PARN: variants seen among roughly 807,000 people sequenced by gnomAD.
The protein encoded by PARN is poly(A)-specific ribonuclease PARN.
PARN carries 71 observed loss-of-function variants against 102.8 expected under a neutral mutation model. The observed-to-expected ratio is 0.69, with a 90% CI of 0.57 to 0.84. The LOEUF (loss-of-function observed/expected upper bound fraction) is 0.84. PARN is among the 40% of genes least tolerant of loss of function. The pLI, the probability that PARN is intolerant of heterozygous loss-of-function variation, is 0.00. For missense variants in PARN, 782 were observed against 760.9 expected, an observed-to-expected ratio of 1.03 and a Z score of -0.33; for synonymous variants, 261 against 252.9, an observed-to-expected ratio of 1.03 and a Z score of -0.30.
At chr16:14,479,741 T>C (rs986029737) in intron 22 of PARN, among the ~76,000 whole-genome samples, 1 of 152,076 alleles carries the variant, frequency 6.6e-6, no homozygotes, top group African/African-American at 2.4e-5. Flanking sequence ...ACAAAGGTAG[T>C]GAGTCAAACC....
At chr16:14,623,623 G>C (rs541258365) in intron 5 of PARN, among the ~76,000 whole-genome samples, 1 of 151,970 alleles carries the variant, frequency 6.6e-6, no homozygotes, top group Non-Finnish European at 1.5e-5. Flanking sequence ...GATCACCTGA[G>C]GTCAGGAGTT....
At position 14,515,288 on chromosome 16, in the gene PARN, T is replaced by G. The variant is rs147790039; in HGVS notation, c.1481-32461A>C. 5.9e-5 allele frequency among the ~76,000 whole-genome samples: 9 copies of G among 152,322 alleles called. No individual in the cohort carries two copies. In the East Asian group the frequency reaches 1.7e-3, roughly 29 times the overall value. ...ACCACTCCTGGCTGCTAACTTTTTT[T>G]AAACAGATGTCCCGAATATAAACAT... On this transcript the variant is annotated intron_variant, in intron 21 of 23. Coordinates refer to ENST00000437198, the MANE Select transcript of PARN (RefSeq NM_002582.4).
chr16:14,564,361 C>G (rs1486680422), intron 18 of PARN, among the ~76,000 whole-genome samples: 4 of 152,194 alleles, frequency 2.6e-5, no homozygotes, highest in Non-Finnish European at 4.4e-5. Context: ...AATGAGGTTG[C>G]TGTCTGAGGA....
At chr16:14,604,460 C>T (rs1235543831) in intron 10 of PARN, among the ~76,000 whole-genome samples, 5 of 151,946 alleles carry the variant, frequency 3.3e-5, no homozygotes, top group African/African-American at 4.8e-5. Context: ...GGAGTTTCTC[C>T]ATGTTGGTCA....
intron 21 of PARN, among the ~76,000 whole-genome samples, chr16:14,497,068 G>A (rs1166910983): frequency 6.6e-6 from 1 of 152,104 alleles, no homozygotes; most frequent in East Asian, 1.9e-4. Flanking sequence ...CATACAGCCT[G>A]CAATAGGTTT....
intron 10 of PARN, among the ~76,000 whole-genome samples, chr16:14,605,836 C>T (rs939817827): frequency 6.6e-6 from 1 of 152,088 alleles, no homozygotes; most frequent in Non-Finnish European, 1.5e-5. Flanking sequence ...TTTTGTCTGC[C>T]CACGCAACAT....
intron 22 of PARN, among the ~76,000 whole-genome samples, chr16:14,465,094 C>A (rs773546916): frequency 1.3e-5 from 2 of 152,088 alleles, no homozygotes; most frequent in Non-Finnish European, 2.9e-5. Context: ...GAGATAGGAT[C>A]TTGCTCTCTG....
chr16:14,563,459 T>C (rs1372797005), intron 18 of PARN, among the ~76,000 whole-genome samples: 1 of 150,514 alleles, frequency 6.6e-6, no homozygotes, highest in Non-Finnish European at 1.5e-5. Context: ...CGAGTTTTAA[T>C]GTGTTTGAAA....
intron 22 of PARN, among the ~76,000 whole-genome samples, chr16:14,469,307 G>T (rs1268093227): frequency 6.6e-6 from 1 of 152,046 alleles, no homozygotes; most frequent in East Asian, 1.9e-4. Context: ...ACTCCAGCCT[G>T]GGCAACAAAA....
At chr16:14,543,059 A>G (rs1334941497) in intron 21 of PARN, among the ~76,000 whole-genome samples, 1 of 152,228 alleles carries the variant, frequency 6.6e-6, no homozygotes, top group African/African-American at 2.4e-5. Flanking sequence ...TCGTAAATAG[A>G]AAATGTTGAA....
intron 21 of PARN, among the ~76,000 whole-genome samples, chr16:14,523,597 T>A (rs1285604920): frequency 6.6e-6 from 1 of 152,150 alleles, no homozygotes; most frequent in South Asian, 2.1e-4. Flanking sequence ...TGACCTAAAA[T>A]TAATACTGTA....
At chr16:14,451,575 G>C (rs186276592) in intron 22 of PARN, among the ~76,000 whole-genome samples, 17 of 152,160 alleles carry the variant, frequency 1.1e-4, no homozygotes, top group African/African-American at 3.6e-4. Context: ...TCCAGAAAAG[G>C]CTAAACTAAT....
Position 14,608,296 on chromosome 16 carries a change from TG to T in PARN, c.643del (p.Gln215ArgfsTer3). On this transcript the variant is annotated frameshift_variant, in exon 9 of 24. Coordinates refer to ENST00000437198, the MANE Select transcript of PARN (RefSeq NM_002582.4). LOFTEE classifies it high-confidence loss of function. The stretch of plus-strand genomic sequence containing the variant: ...AAATACTTACTTCCAGCTCAAAGTC[TG>T]ATAAATTAGTTTTCTTTGGAACCTA... ...CTGFQRKLIY[Q>X]TLSWKYPKGI... The T allele has an allele frequency of 6.5e-7, 1 of 1,541,370 alleles. No homozygotes were observed. Among genetic ancestry groups the T allele is most frequent in the Admixed American group, 2.0e-5 (1 of 49,852 alleles).
chr16:14,469,251 C>T (rs537215120), intron 22 of PARN, among the ~76,000 whole-genome samples: 49 of 152,146 alleles, frequency 3.2e-4, no homozygotes, highest in African/African-American at 5.1e-4. Flanking sequence ...GAGCCAAGAT[C>T]GCACCAGGAG....
At position 14,534,047 on chromosome 16, in the gene PARN, C is replaced by G. The variant is rs150328335; in HGVS notation, c.1480+17974G>C. On this transcript the variant is annotated intron_variant, in intron 21 of 23. Coordinates refer to ENST00000437198, the MANE Select transcript of PARN (RefSeq NM_002582.4). ...GACCAGCCTGGACAACATGGTGAAA[C>G]CCCATCTCTCCTAAAAATACAAAAA... Among the ~76,000 whole-genome samples, 768 of 152,124 alleles carry G rather than the reference C, an allele frequency of 5.0e-3. 6 individuals carry two copies. Among genetic ancestry groups the G allele is most frequent in the Non-Finnish European group, 6.7e-3 (458 of 67,980 alleles).
At chr16:14,441,426 G>C (rs947928955) in intron 23 of PARN, among the ~76,000 whole-genome samples, 2 of 152,168 alleles carry the variant, frequency 1.3e-5, no homozygotes, top group African/African-American at 2.4e-5. Context: ...AATCCCAAAC[G>C]GATTCTAAGA....
Position 14,482,832 on chromosome 16 carries a change from A to C in PARN, c.1481-5T>G. On this transcript the variant is annotated splice_polypyrimidine_tract_variant and splice_region_variant and intron_variant, in intron 21 of 23. Coordinates refer to ENST00000437198, the MANE Select transcript of PARN (RefSeq NM_002582.4). ...CATATTTGCTGGTATTGACAGCTAC[A>C]AGGAAAAGAAAAAAAAATAAAATGC... 6.3e-7 allele frequency: 1 copy of C among 1,587,272 alleles called. No individual in the cohort carries two copies. The highest frequency in any genetic ancestry group is 8.5e-7 in the Non-Finnish European group (1 of 1,170,456).
chr16:14,445,844 G>A (rs911248256), intron 23 of PARN, among the ~76,000 whole-genome samples: 1 of 152,200 alleles, frequency 6.6e-6, no homozygotes, highest in Non-Finnish European at 1.5e-5. Context: ...GATTACAGGC[G>A]TGAGCCACCG....
At chr16:14,506,841 A>G (rs1280241099) in intron 21 of PARN, among the ~76,000 whole-genome samples, 1 of 152,156 alleles carries the variant, frequency 6.6e-6, no homozygotes, top group African/African-American at 2.4e-5. Context: ...AAAAAGAAAA[A>G]GAGTGGGAGA....
Sources: allele counts gnomAD v4.1 joint callset (sites outside exome capture counted in the v4.1 genomes callset), GRCh38; gene constraint gnomAD v4.1.1; transcripts MANE v1.5; gene names NCBI Gene and HGNC (gene_info 2026-07-23, HGNC 2026-07-21).